Variants in SRP54 observed in about 807,000 individuals in gnomAD.
SRP54 encodes the protein signal recognition particle 54.
A neutral mutation model predicts 64.8 loss-of-function variants in SRP54; 10 were observed. The observed-to-expected ratio is 0.15, with a 90% CI of 0.10 to 0.26. The LOEUF (loss-of-function observed/expected upper bound fraction) is 0.26, where lower values mean the gene tolerates loss of function less well. SRP54 is among the 10% of genes least tolerant of loss of function. The pLI is 1.00. For missense variants in SRP54, 325 were observed against 613.7 expected (o/e 0.53, Z 4.97); for synonymous variants, 193 against 185.6 (o/e 1.04, Z -0.32).
rs1173414306 is a variant in SRP54, at chr14:35,013,432, T to A, written c.723T>A (p.Asp241Glu). 6.2e-7 allele frequency: 1 copy of A among 1,614,220 alleles called. No homozygotes were observed. Among genetic ancestry groups the A allele is most frequent in the South Asian group, 1.1e-5 (1 of 91,086 alleles). Reference sequence around the variant, plus strand: ...CTAAGGCTTTTAAAGATAAAGTAGATGTAGCCTCAGTAATAGTGACAAAAC... The same window carrying A: ...CTAAGGCTTTTAAAGATAAAGTAGAAGTAGCCTCAGTAATAGTGACAAAAC... ...AQAKAFKDKV[D>E]VASVIVTKLD... The change falls in exon 9 of 16, where the codon GAT becomes GAA. Residue 241 changes from aspartate (D) to glutamate (E), a missense_variant. Around this residue, in one of 3 missense-constraint regions of SRP54, gnomAD observed 146 missense variants for 337.4 expected, o/e 0.43. Transcript: ENST00000216774.
rs2044304992 is a variant in SRP54 at position 35,008,613 on chromosome 14, C to A, written c.361-14C>A. 4 of 1,508,610 alleles carry A rather than the reference C, an allele frequency of 2.7e-6. No homozygotes were observed. The highest frequency in any genetic ancestry group is 1.4e-5 in the African/African-American group (1 of 71,144). 93.5% of individuals were successfully genotyped at this position (1,508,610 alleles called of 1,614,324 possible). ...ATTTTATGATATTATATTTTTAAAT[C>A]TTTTCTCACCCAGCTAGCATATTAT... On this transcript the variant is annotated splice_polypyrimidine_tract_variant and intron_variant, in intron 5 of 15. Transcript: ENST00000216774.
intron 13 of SRP54, among the ~76,000 whole-genome samples, chr14:35,020,606 T>C (rs977420448): frequency 6.6e-6 from 1 of 152,208 alleles, no homozygotes; most frequent in African/African-American, 2.4e-5. Flanking sequence ...GTAGTCTCTT[T>C]TTCCTGAGCT....
chr14:35,013,988 CTAATT>C lies in SRP54; in HGVS notation c.886+90_886+94del, dbSNP rs945408584. On this transcript the variant is annotated intron_variant, in intron 10 of 15. Coordinates refer to ENST00000216774, the MANE Select transcript of SRP54 (RefSeq NM_003136.4). ...AAATAGGATTTTAATTCTGTCCTCA[CTAATT>C]TAAGCACATCATTTCTTTCTGTGAC... 5.4e-6 allele frequency: 5 copies of C among 929,640 alleles called. No homozygotes were observed. In the African/African-American group the frequency reaches 6.7e-5, roughly 12 times the overall value. 57.6% of individuals were successfully genotyped at this position (929,640 alleles called of 1,614,324 possible).
chr14:34,991,518 A>G lies in SRP54; in HGVS notation c.-33-5159A>G, dbSNP rs142881150. Among the ~76,000 whole-genome samples, 1,049 of 151,938 alleles carry G rather than the reference A, an allele frequency of 6.9e-3. 17 individuals are homozygous for G. Among genetic ancestry groups the G allele is most frequent in the African/African-American group, 0.024 (1,014 of 41,410 alleles). ...TGATAATAGAACAATAGGAAAAAATAAAGGGAAGAGGGTTGCAGTTTTAAA... is the reference window on the plus strand; with the variant it reads ...TGATAATAGAACAATAGGAAAAAATGAAGGGAAGAGGGTTGCAGTTTTAAA... On this transcript the variant is annotated intron_variant, in intron 1 of 15. Coordinates refer to ENST00000216774, the MANE Select transcript of SRP54 (RefSeq NM_003136.4).
chr14:34,984,965 A>G (rs1375911691), intron 1 of SRP54, among the ~76,000 whole-genome samples: 1 of 150,124 alleles, frequency 6.7e-6, no homozygotes, highest in East Asian at 2.0e-4. Context: ...GTATAAAAGC[A>G]GTGATTGTCA....
intron 4 of SRP54, among the ~76,000 whole-genome samples, chr14:35,003,149 G>A (rs2044204047): frequency 6.6e-6 from 1 of 152,132 alleles, no homozygotes; most frequent in Admixed American, 6.6e-5. Flanking sequence ...CAGGAAGTAT[G>A]CCAAATGCTG....
intron 1 of SRP54, among the ~76,000 whole-genome samples, chr14:34,991,251 T>G (rs1038092628): frequency 1.6e-4 from 24 of 151,912 alleles, no homozygotes; most frequent in African/African-American, 5.6e-4. Flanking sequence ...TGCCTCAGCC[T>G]TCTGAGTACC....
intron 8 of SRP54, 98 bp downstream of exon 8, chr14:35,011,757 G>A (rs985725721): frequency 5.6e-6 from 6 of 1,075,668 alleles, no homozygotes; most frequent in Non-Finnish European, 7.5e-6. Flanking sequence ...TTCTTTGCCT[G>A]TGAGGCAGAT....
chr14:35,019,280 A>G (rs1442857431), intron 13 of SRP54: 3 of 417,330 alleles, frequency 7.2e-6, no homozygotes, highest in Non-Finnish European at 1.3e-5. Flanking sequence ...CTAGTATAAT[A>G]CTTCTCCAAA....
chr14:35,013,272 G>A, intron 8 of SRP54, 74 bp from the exon 9 acceptor site: 4 of 1,408,150 alleles, frequency 2.8e-6, no homozygotes, highest in Non-Finnish European at 3.9e-6. Flanking sequence ...TTGTTTTATA[G>A]CTTCTAATGA....
At chr14:34,995,068 C>T (rs1231075843) in intron 1 of SRP54, among the ~76,000 whole-genome samples, 1 of 148,780 alleles carries the variant, frequency 6.7e-6, no homozygotes, top group Non-Finnish European at 1.5e-5. Context: ...AGACATGAGC[C>T]ACTGTACCTG....
At chr14:35,008,263 A>G (rs1052166352) in intron 5 of SRP54, among the ~76,000 whole-genome samples, 1 of 152,216 alleles carries the variant, frequency 6.6e-6, no homozygotes, top group Non-Finnish European at 1.5e-5. Context: ...ATGTCTCAAC[A>G]ATATTACAAG....
intron 10 of SRP54, among the ~76,000 whole-genome samples, chr14:35,014,419 A>T (rs1345432388): frequency 6.6e-6 from 1 of 151,910 alleles, no homozygotes; most frequent in Non-Finnish European, 1.5e-5. Context: ...CTGGGATTAC[A>T]GGCGTGCACC....
chr14:34,996,614 T>C, intron 1 of SRP54, 63 bp from the exon 2 acceptor site: 1 of 854,180 alleles, frequency 1.2e-6, no homozygotes, highest in South Asian at 1.4e-5. Flanking sequence ...AAATACTCTT[T>C]AGAACTCTTC....
At chr14:35,007,408 AAAG>A (rs1349124002) in intron 5 of SRP54, 21 bp downstream of exon 5, 2 of 1,505,884 alleles carry the variant, frequency 1.3e-6, no homozygotes, top group African/African-American at 1.4e-5. Context: ...CTTAATTTAA[AAAG>A]AAGTCATATG....
At chr14:35,028,854 G>A (rs745996874) in intron 15 of SRP54, among the ~76,000 whole-genome samples, 9 of 152,206 alleles carry the variant, frequency 5.9e-5, no homozygotes, top group Non-Finnish European at 1.2e-4. Context: ...CAATAACTCC[G>A]TAAGATAGGC....
intron 10 of SRP54, 89 bp from the exon 11 acceptor site, chr14:35,014,655 A>T (rs2044409504): frequency 1.0e-6 from 1 of 990,502 alleles, no homozygotes; most frequent in African/African-American, 1.6e-5. Flanking sequence ...TTATAACCTC[A>T]CAAGGTTATT....
chr14:35,017,374 TTAAG>T (rs1421722569), intron 11 of SRP54, among the ~76,000 whole-genome samples: 2 of 152,230 alleles, frequency 1.3e-5, no homozygotes, highest in Non-Finnish European at 2.9e-5. Context: ...TTCCTAATAT[TTAAG>T]TGTTTTCTGC....
At chr14:34,984,225 A>G (rs1442805447) in intron 1 of SRP54, among the ~76,000 whole-genome samples, 1 of 152,146 alleles carries the variant, frequency 6.6e-6, no homozygotes, top group African/African-American at 2.4e-5. Context: ...CTATTTGGAA[A>G]TTCTGGACCT....
Sources: gnomAD v4.1 joint callset for allele counts (sites outside exome capture counted in the v4.1 genomes callset) on GRCh38, gnomAD v4.1.1 for gene constraint, gnomAD v4.1.1 regional missense constraint, MANE v1.5 for transcripts, NCBI Gene and HGNC (gene_info 2026-07-23, HGNC 2026-07-21) for gene names.